Variants in LEKR1 observed in about 807,000 individuals in gnomAD.
LEKR1 encodes the protein protein LEKR1.
Under a neutral mutation model 72.4 loss-of-function variants are expected in LEKR1, and 59 were observed. The ratio of observed to expected loss-of-function variants is 0.82; its 90% confidence interval spans 0.66 to 1.01. LEKR1 has a LOEUF of 1.01. Ranked by LOEUF, LEKR1 falls within the 50% of genes least tolerant of loss-of-function variation. The probability of loss-of-function intolerance (pLI) is 0.00; values close to 1 mark genes in which losing one functional copy is unlikely to be tolerated. For missense variants in LEKR1, 728 were observed against 759.2 expected (o/e 0.96, Z 0.48); for synonymous variants, 257 against 263.2 (o/e 0.98, Z 0.23).
chr3:156,978,358 CAT>C (rs1395156685), intron 6 of LEKR1, among the ~76,000 whole-genome samples: 1 of 152,112 alleles, frequency 6.6e-6, no homozygotes, highest in Non-Finnish European at 1.5e-5. Context: ...ACAGATGGAA[CAT>C]AGAAATTTTA....
chr3:156,959,764 T>G (rs1208558738), intron 6 of LEKR1, among the ~76,000 whole-genome samples: 1 of 152,214 alleles, frequency 6.6e-6, no homozygotes, highest in African/African-American at 2.4e-5. Flanking sequence ...AATATATATT[T>G]TATACCTGAA....
chr3:156,845,216 G>T (rs1714441902), intron 2 of LEKR1, among the ~76,000 whole-genome samples: 2 of 151,498 alleles, frequency 1.3e-5, no homozygotes, highest in African/African-American at 4.8e-5. Flanking sequence ...CTGAATTTTG[G>T]AAATTCTTTA....
At chr3:156,884,807 A>T (rs1305742773) in intron 3 of LEKR1, among the ~76,000 whole-genome samples, 1 of 152,086 alleles carries the variant, frequency 6.6e-6, no homozygotes, top group African/African-American at 2.4e-5. Context: ...TGTGCTTCTT[A>T]TATTTGGATG....
At chr3:156,916,634 A>G (rs945371191) in intron 3 of LEKR1, among the ~76,000 whole-genome samples, 2 of 152,174 alleles carry the variant, frequency 1.3e-5, no homozygotes, top group Non-Finnish European at 2.9e-5. Flanking sequence ...AAAGCTGTTT[A>G]TCAGCTGAAG....
intron 10 of LEKR1, among the ~76,000 whole-genome samples, chr3:157,018,182 T>C (rs548134463): frequency 1.3e-5 from 2 of 152,276 alleles, no homozygotes; most frequent in African/African-American, 2.4e-5. Context: ...CTGTGAGAAG[T>C]AAATTCACTA....
intron 9 of LEKR1, among the ~76,000 whole-genome samples, chr3:156,996,730 A>G (rs948264923): frequency 1.3e-5 from 2 of 152,186 alleles, no homozygotes; most frequent in African/African-American, 4.8e-5. Context: ...GGGTAGTAGT[A>G]AAATAGCCAT....
intron 6 of LEKR1, among the ~76,000 whole-genome samples, chr3:156,964,786 A>G (rs925174287): frequency 2.0e-4 from 31 of 152,228 alleles, no homozygotes; most frequent in Non-Finnish European, 3.7e-4. Context: ...TATGAAATAC[A>G]CTGATTCATT....
intron 4 of LEKR1, chr3:156,924,975 A>T (rs1006834313): frequency 6.6e-6 from 1 of 152,606 alleles, no homozygotes; most frequent in Admixed American, 6.5e-5. Flanking sequence ...CTGCAAAGTA[A>T]CCTGCTGGGA....
intron 6 of LEKR1, among the ~76,000 whole-genome samples, chr3:156,963,506 C>G (rs1728301252): frequency 1.3e-5 from 2 of 152,258 alleles, no homozygotes; most frequent in South Asian, 2.1e-4. Flanking sequence ...TCCCCATACT[C>G]CCACCCTCTT....
chr3:156,942,792 T>G (rs1726340455), intron 6 of LEKR1, 78 bp downstream of exon 6: 1 of 612,784 alleles, frequency 1.6e-6, no homozygotes, highest in Non-Finnish European at 2.4e-6. Context: ...TTACTTATAA[T>G]TACAACAAAA....
At chr3:157,032,676 G>T (rs1734698470) in intron 12 of LEKR1, among the ~76,000 whole-genome samples, 1 of 152,188 alleles carries the variant, frequency 6.6e-6, no homozygotes, top group African/African-American at 2.4e-5. Context: ...GTGAGGATTG[G>T]GGATGGGAGG....
At chr3:156,883,574 G>C (rs746983637) in intron 3 of LEKR1, among the ~76,000 whole-genome samples, 3 of 152,176 alleles carry the variant, frequency 2.0e-5, no homozygotes, top group African/African-American at 7.2e-5. Flanking sequence ...GGAGGGACTT[G>C]GTGGGAGATA....
intron 6 of LEKR1, among the ~76,000 whole-genome samples, chr3:156,959,793 A>C (rs1377831240): frequency 6.6e-6 from 1 of 152,132 alleles, no homozygotes; most frequent in African/African-American, 2.4e-5. Flanking sequence ...TGTTTGCTGA[A>C]TATTATGTCA....
chr3:156,925,331 GTT>G (rs1491332551), intron 4 of LEKR1: 65,992 of 128,760 alleles, frequency 0.51, 16,719 homozygotes, highest in East Asian at 0.66. Flanking sequence ...GTGTGTGTGT[GTT>G]TGTGTGTGTC....
chr3:156,970,118 A>T (rs1413078162), intron 6 of LEKR1, among the ~76,000 whole-genome samples: 1 of 152,232 alleles, frequency 6.6e-6, no homozygotes, highest in African/African-American at 2.4e-5. Flanking sequence ...GATGGGACAT[A>T]TCTCAAAATA....
chr3:156,954,576 G>A (rs1560105320), intron 6 of LEKR1, among the ~76,000 whole-genome samples: 1 of 151,954 alleles, frequency 6.6e-6, no homozygotes, highest in South Asian at 2.1e-4. Context: ...TTCCACACAT[G>A]GCTAGCCAGT....
intron 10 of LEKR1, among the ~76,000 whole-genome samples, chr3:157,016,724 A>T (rs1577000151): frequency 6.6e-6 from 1 of 152,176 alleles, no homozygotes; most frequent in Non-Finnish European, 1.5e-5. Context: ...AATATAATTG[A>T]TGATATTTAT....
intron 6 of LEKR1, among the ~76,000 whole-genome samples, chr3:156,959,942 TC>T (rs1360008291): frequency 6.6e-6 from 1 of 151,954 alleles, no homozygotes; most frequent in South Asian, 2.1e-4. Context: ...GTACCTTTCA[TC>T]CCCCCCACCC....
chr3:156,862,261 C>T (rs1193035214), intron 3 of LEKR1, among the ~76,000 whole-genome samples: 2 of 152,046 alleles, frequency 1.3e-5, no homozygotes, highest in African/African-American at 4.8e-5. Flanking sequence ...GTTTCAGGCC[C>T]AGCCACTTAT....
Sources: allele counts gnomAD v4.1 joint callset (sites outside exome capture counted in the v4.1 genomes callset), GRCh38; gene constraint gnomAD v4.1.1; transcripts MANE v1.5; gene names NCBI Gene and HGNC (gene_info 2026-07-23, HGNC 2026-07-21).